The following ZNF804B variants were observed in gnomAD, a reference collection of about 807,000 sequenced individuals.
The protein encoded by ZNF804B is zinc finger protein 804B.
A neutral mutation model predicts 101.4 loss-of-function variants in ZNF804B; 80 were observed. The observed-to-expected ratio is 0.79, with a 90% CI of 0.66 to 0.95. ZNF804B has a LOEUF of 0.95. Among genes scored for constraint, ZNF804B ranks in the 40% least tolerant of loss-of-function variants. The probability of loss-of-function intolerance (pLI) is 0.00; values close to 1 mark genes in which losing one functional copy is unlikely to be tolerated. For synonymous variants in ZNF804B, 622 were observed against 558.8 expected (o/e 1.11, Z -1.59); for missense variants, 1,673 against 1,561.9 (o/e 1.07, Z -1.20).
At chr7:89,011,174 T>C (rs902552745) in intron 1 of ZNF804B, among the ~76,000 whole-genome samples, 1 of 152,116 alleles carries the variant, frequency 6.6e-6, no homozygotes, top group Non-Finnish European at 1.5e-5. Context: ...CAGACACTTA[T>C]AGAACTATCA....
intron 1 of ZNF804B, among the ~76,000 whole-genome samples, chr7:89,206,400 CT>C (rs1242453455): frequency 7.2e-5 from 11 of 152,152 alleles, no homozygotes; most frequent in Admixed American, 7.2e-4. Context: ...AACTTTTATG[CT>C]TTGCTTCCCT....
chr7:89,045,220 G>C (rs1178656023), intron 1 of ZNF804B, among the ~76,000 whole-genome samples: 2 of 152,188 alleles, frequency 1.3e-5, no homozygotes, highest in Non-Finnish European at 2.9e-5. Context: ...TTGATGTTTG[G>C]GAACCTCCAC....
At chr7:88,985,260 A>T (rs1793743674) in intron 1 of ZNF804B, among the ~76,000 whole-genome samples, 1 of 151,978 alleles carries the variant, frequency 6.6e-6, no homozygotes, top group Non-Finnish European at 1.5e-5. Flanking sequence ...CCAAAAAAAA[A>T]AAAAAATTCT....
chr7:89,332,045 TC>T (rs1434760548), intron 3 of ZNF804B, among the ~76,000 whole-genome samples: 1 of 151,242 alleles, frequency 6.6e-6, no homozygotes, highest in Non-Finnish European at 1.5e-5. Flanking sequence ...ATGTAACAAA[TC>T]TAATGAATTA....
chr7:88,820,058 A>C (rs751936488), intron 1 of ZNF804B, among the ~76,000 whole-genome samples: 2 of 152,210 alleles, frequency 1.3e-5, no homozygotes, highest in Admixed American at 1.3e-4. Flanking sequence ...TGAAAGGACA[A>C]GATAATAAAT....
At chr7:88,806,132 T>C (rs1210606180) in intron 1 of ZNF804B, among the ~76,000 whole-genome samples, 1 of 152,122 alleles carries the variant, frequency 6.6e-6, no homozygotes, top group African/African-American at 2.4e-5. Flanking sequence ...GCTATATCCC[T>C]CCCACTGTTC....
At chr7:89,315,081 G>A (rs1354544371) in intron 2 of ZNF804B, among the ~76,000 whole-genome samples, 7 of 152,094 alleles carry the variant, frequency 4.6e-5, no homozygotes, top group Non-Finnish European at 7.4e-5. Context: ...TGGCTTCTGG[G>A]GCAGCCTCAG....
chr7:88,972,468 A>G (rs575210593), intron 1 of ZNF804B, among the ~76,000 whole-genome samples: 6 of 151,524 alleles, frequency 4.0e-5, no homozygotes, highest in African/African-American at 1.4e-4. Context: ...TTTCCCTGCC[A>G]GGTTCCAACA....
chr7:89,285,114 A>G (rs1790162281), intron 2 of ZNF804B, among the ~76,000 whole-genome samples: 2 of 151,930 alleles, frequency 1.3e-5, no homozygotes, highest in African/African-American at 4.8e-5. Flanking sequence ...AACTATTTGG[A>G]AGGCTGAGGC....
At chr7:89,294,672 A>G (rs2115905465) in intron 2 of ZNF804B, among the ~76,000 whole-genome samples, 1 of 151,236 alleles carries the variant, frequency 6.6e-6, no homozygotes, top group Admixed American at 6.6e-5. Flanking sequence ...TGTCTCTGTT[A>G]TTTCCTTTTA....
intron 1 of ZNF804B, among the ~76,000 whole-genome samples, chr7:89,166,547 C>T (rs1262560721): frequency 6.6e-6 from 1 of 152,118 alleles, no homozygotes; most frequent in Non-Finnish European, 1.5e-5. Flanking sequence ...TAGTAGGCAA[C>T]CACAGCTGCA....
At chr7:89,043,412 A>C (rs1485346561) in intron 1 of ZNF804B, among the ~76,000 whole-genome samples, 1 of 152,206 alleles carries the variant, frequency 6.6e-6, no homozygotes, top group Non-Finnish European at 1.5e-5. Context: ...CAAATTTTTC[A>C]AAATAAAACA....
At chr7:89,097,831 C>G (rs1789991363) in intron 1 of ZNF804B, among the ~76,000 whole-genome samples, 1 of 152,138 alleles carries the variant, frequency 6.6e-6, no homozygotes, top group Non-Finnish European at 1.5e-5. Context: ...AATGAATCTT[C>G]TTTCTGCAAA....
chr7:89,317,604 A>G (rs992888065), intron 2 of ZNF804B, among the ~76,000 whole-genome samples: 3 of 152,224 alleles, frequency 2.0e-5, no homozygotes, highest in Admixed American at 6.5e-5. Flanking sequence ...AAACGGATGC[A>G]TTTTGCAAAG....
intron 1 of ZNF804B, among the ~76,000 whole-genome samples, chr7:89,111,218 A>T (rs1019138664): frequency 6.6e-6 from 1 of 152,250 alleles, no homozygotes; most frequent in African/African-American, 2.4e-5. Flanking sequence ...TGGACATAAA[A>T]GTATTTTTAA....
intron 2 of ZNF804B, among the ~76,000 whole-genome samples, chr7:89,226,592 C>A (rs1789092067): frequency 6.6e-6 from 1 of 151,928 alleles, no homozygotes; most frequent in African/African-American, 2.4e-5. Context: ...ACTATCCAAT[C>A]ACAAACTATG....
At chr7:89,300,410 A>C (rs909327982) in intron 2 of ZNF804B, among the ~76,000 whole-genome samples, 3 of 151,460 alleles carry the variant, frequency 2.0e-5, no homozygotes, top group Non-Finnish European at 4.4e-5. Flanking sequence ...TACTTCATGC[A>C]CTTAATGACT....
At chr7:88,935,946 T>C (rs1336641455) in intron 1 of ZNF804B, among the ~76,000 whole-genome samples, 1 of 151,574 alleles carries the variant, frequency 6.6e-6, no homozygotes, top group East Asian at 1.9e-4. Context: ...CTCTTCATTC[T>C]TTCATCTTTC....
intron 1 of ZNF804B, among the ~76,000 whole-genome samples, chr7:88,868,649 C>T (rs73705569): frequency 0.026 from 3,989 of 152,242 alleles, 182 homozygotes; most frequent in African/African-American, 0.09. Flanking sequence ...TTGATGTTTT[C>T]AGGACCCAAG....
Sources: gnomAD v4.1 joint callset for allele counts (sites outside exome capture counted in the v4.1 genomes callset) on GRCh38, gnomAD v4.1.1 for gene constraint, MANE v1.5 for transcripts, NCBI Gene and HGNC (gene_info 2026-07-23, HGNC 2026-07-21) for gene names.